Variants in NFU1 observed in about 807,000 individuals in gnomAD.
NFU1 encodes NFU1 iron-sulfur cluster scaffold, also known as NFU1 iron-sulfur cluster scaffold homolog, mitochondrial.
A neutral mutation model predicts 32.2 loss-of-function variants in NFU1; 30 were observed. That is an observed-to-expected ratio of 0.93 (90% CI 0.70 to 1.26). The LOEUF (loss-of-function observed/expected upper bound fraction) is 1.26, where lower values mean the gene tolerates loss of function less well. Ranked by LOEUF, NFU1 falls within the 50% of genes most tolerant of loss-of-function variation. The pLI is 0.00. For missense variants in NFU1, 306 were observed against 306.6 expected, an observed-to-expected ratio of 1.00 and a Z score of 0.02; for synonymous variants, 112 against 104.6, an observed-to-expected ratio of 1.07 and a Z score of -0.43.
intron 1 of NFU1, among the ~76,000 whole-genome samples, chr2:69,435,744 C>T (rs771940673): frequency 6.6e-6 from 1 of 152,064 alleles, no homozygotes; most frequent in Non-Finnish European, 1.5e-5. Flanking sequence ...TAAGAGCTGT[C>T]ACCACTTTAT....
chr2:69,412,361 TTTTA>T (rs1021932966), intron 5 of NFU1, among the ~76,000 whole-genome samples: 4 of 150,540 alleles, frequency 2.7e-5, no homozygotes, highest in African/African-American at 9.8e-5. Flanking sequence ...TACAAAAAAA[TTTTA>T]TTTATTTATT....
At chr2:69,428,142 G>C (rs1454731177) in intron 2 of NFU1, among the ~76,000 whole-genome samples, 2 of 152,068 alleles carry the variant, frequency 1.3e-5, no homozygotes, top group East Asian at 1.9e-4. Flanking sequence ...TTCAGTGCCT[G>C]GCCGGGCGCA....
intron 5 of NFU1, among the ~76,000 whole-genome samples, chr2:69,413,924 G>A (rs1284139363): frequency 6.6e-6 from 1 of 151,714 alleles, no homozygotes; most frequent in African/African-American, 2.4e-5. Flanking sequence ...GTGGGCGCCT[G>A]TAATACCAGC....
chr2:69,422,033 G>C (rs1321062683), intron 3 of NFU1, among the ~76,000 whole-genome samples: 1 of 152,114 alleles, frequency 6.6e-6, no homozygotes, highest in Non-Finnish European at 1.5e-5. Context: ...ATTAGGCACA[G>C]TAAGAGATTA....
intron 3 of NFU1, among the ~76,000 whole-genome samples, chr2:69,421,293 A>G (rs1353540667): frequency 6.6e-6 from 1 of 151,634 alleles, no homozygotes. Context: ...TATGTTTAAG[A>G]AAAAAAAAGT....
At chr2:69,407,225 T>C (rs1224260446) in intron 5 of NFU1, among the ~76,000 whole-genome samples, 1 of 152,100 alleles carries the variant, frequency 6.6e-6, no homozygotes, top group Non-Finnish European at 1.5e-5. Flanking sequence ...AGTACTGAGA[T>C]TACAGGCATG....
intron 3 of NFU1, among the ~76,000 whole-genome samples, chr2:69,420,841 A>C (rs191540475): frequency 6.6e-6 from 1 of 152,336 alleles, no homozygotes; most frequent in Admixed American, 6.5e-5. Flanking sequence ...AGGGTGAAAA[A>C]ATAGTGAAAA....
upstream of NFU1, chr2:69,437,656 G>T: frequency 1.6e-6 from 1 of 626,868 alleles, no homozygotes; most frequent in South Asian, 1.8e-5. Flanking sequence ...GTTAATTCAC[G>T]CAGCACTGTG....
upstream of NFU1, among the ~76,000 whole-genome samples, chr2:69,438,901 C>G (rs1287367248): frequency 1.8e-5 from 2 of 112,404 alleles, no homozygotes; most frequent in African/African-American, 4.0e-5. Flanking sequence ...TCCAACCCCC[C>G]ACCCACCCCC....
At chr2:69,402,966 TTTCTC>T (rs138732658) in intron 6 of NFU1, among the ~76,000 whole-genome samples, 98,027 of 149,854 alleles carry the variant, frequency 0.65, 33,379 homozygotes, top group African/African-American at 0.86. Context: ...TTTCTTTCCT[TTTCTC>T]TTCTCTTTTC....
At chr2:69,398,506 T>C (rs7580642) in intron 7 of NFU1, among the ~76,000 whole-genome samples, 99,818 of 152,114 alleles carry the variant, frequency 0.66, 34,084 homozygotes, top group African/African-American at 0.86. Context: ...GTCAAAATAA[T>C]CTTGATGTTA....
In NFU1 at chr2:69,413,913, G is replaced by T. The variant is rs1318890846; in HGVS notation, c.484+1272C>A. ...AATACAAAAATTACCCAGGCATGGT[G>T]GTGGGCGCCTGTAATACCAGCTACT... On this transcript the variant is annotated intron_variant, in intron 5 of 7. Coordinates refer to ENST00000410022, the MANE Select transcript of NFU1 (RefSeq NM_001002755.4). Among the ~76,000 whole-genome samples, 7 of 151,932 alleles carry T rather than the reference G, an allele frequency of 4.6e-5. 1 individual carries two copies. Among genetic ancestry groups the T allele is most frequent in the South Asian group, 4.1e-4 (2 of 4,828 alleles).
At position 69,430,217 on chromosome 2, in the gene NFU1, C is replaced by CT. The variant is rs113587680; in HGVS notation, c.166+1684dup. On this transcript the variant is annotated intron_variant, in intron 2 of 7. Transcript: ENST00000410022. ...ACAGAATGATAAAAAATATTTCTTC[C>CT]TTTTTTTTTTTTTGAGACAGTGTCT... Among the ~76,000 whole-genome samples the CT allele has an allele frequency of 6.4e-3, 937 of 145,292 alleles. 13 individuals are homozygous for CT. The highest frequency in any genetic ancestry group is 0.021 in the African/African-American group (832 of 39,270).
At chr2:69,403,878 G>A (rs1250768517) in intron 6 of NFU1, among the ~76,000 whole-genome samples, 2 of 148,754 alleles carry the variant, frequency 1.3e-5, no homozygotes, top group Non-Finnish European at 3.0e-5. Flanking sequence ...TCACTCTGTC[G>A]CCCAGGCTGG....
intron 5 of NFU1, among the ~76,000 whole-genome samples, chr2:69,408,974 G>A (rs991920224): frequency 6.8e-6 from 1 of 146,524 alleles, no homozygotes; most frequent in Admixed American, 7.0e-5. Context: ...TAAGTAGTTG[G>A]AATTACAGGT....
In NFU1 at chr2:69,423,731, A is replaced by G. The variant is rs1378534040; in HGVS notation, c.167-14T>C. The G allele has an allele frequency of 6.4e-7, 1 of 1,568,686 alleles. No homozygotes were observed. The highest frequency in any genetic ancestry group is 2.2e-5 in the East Asian group (1 of 44,664). On this transcript the variant is annotated splice_polypyrimidine_tract_variant and intron_variant, in intron 2 of 7. Transcript: ENST00000410022. Reference sequence around the variant, plus strand: ...ACATGTATCTCACTAAAAAAGAAAAAGAAGAAAATGTTATTCTAGAAAAAA... The same window carrying G: ...ACATGTATCTCACTAAAAAAGAAAAGGAAGAAAATGTTATTCTAGAAAAAA...
chr2:69,437,435 T>A lies in NFU1; in HGVS notation c.-13A>T. The A allele has an allele frequency of 6.2e-7, 1 of 1,609,958 alleles. No individual in the cohort carries two copies. Among genetic ancestry groups the A allele is most frequent in the South Asian group, 1.1e-5 (1 of 90,856 alleles). ...CCGTCGCCGCCATCTTAGTCCGGAG[T>A]GCCTAAGGGTCTCCCTGACAGAACC... On this transcript the variant is annotated 5_prime_UTR_variant, in exon 1 of 8. Transcript: ENST00000410022.
chr2:69,418,115 G>GA (rs1673116566), intron 4 of NFU1, among the ~76,000 whole-genome samples: 1 of 151,898 alleles, frequency 6.6e-6, no homozygotes, highest in Admixed American at 6.6e-5. Context: ...CTGAAGAATG[G>GA]GGGGCTGGAC....
At chr2:69,421,656 CT>C (rs1459576640) in intron 3 of NFU1, among the ~76,000 whole-genome samples, 3 of 149,788 alleles carry the variant, frequency 2.0e-5, no homozygotes, top group African/African-American at 4.9e-5. Context: ...CAAGCTCTGC[CT>C]CCCGGGTTCA....
Sources: allele counts gnomAD v4.1 joint callset (sites outside exome capture counted in the v4.1 genomes callset), GRCh38; gene constraint gnomAD v4.1.1; transcripts MANE v1.5; gene names NCBI Gene and HGNC (gene_info 2026-07-23, HGNC 2026-07-21).